ANO4: variants seen among roughly 807,000 people sequenced by gnomAD.
The protein encoded by ANO4 is anoctamin-4.
A neutral mutation model predicts 141.9 loss-of-function variants in ANO4; 69 were observed. The ratio of observed to expected loss-of-function variants is 0.49; its 90% CI spans 0.40 to 0.59. The LOEUF is 0.59. ANO4 is among the 20% of genes least tolerant of loss of function. ANO4 has a pLI of 0.00. For missense variants in ANO4, 894 were observed against 1,162.2 expected, an observed-to-expected ratio of 0.77 and a Z score of 3.36; for synonymous variants, 350 against 394.3, an observed-to-expected ratio of 0.89 and a Z score of 1.33.
chr12:100,939,184 A>T, intron 3 of ANO4, 131 bp from the exon 4 acceptor site: 1 of 914,036 alleles, frequency 1.1e-6, no homozygotes, highest in Non-Finnish European at 1.6e-6. Context: ...AGGAAATAAT[A>T]TGCTTGTCAC....
chr12:100,867,799 C>G (rs970057606), intron 1 of ANO4, among the ~76,000 whole-genome samples: 11 of 152,292 alleles, frequency 7.2e-5, no homozygotes, highest in African/African-American at 2.4e-4. Flanking sequence ...CCAAGCTCTG[C>G]AATTCCTCCA....
At chr12:100,942,698 A>G (rs1282856526) in intron 5 of ANO4, among the ~76,000 whole-genome samples, 163 bp downstream of exon 5, 1 of 152,248 alleles carries the variant, frequency 6.6e-6, no homozygotes, top group Admixed American at 6.5e-5. Flanking sequence ...AGACTTTGAC[A>G]GCACAGTTTG....
intron 9 of ANO4, among the ~76,000 whole-genome samples, chr12:101,023,767 C>G (rs2046627146): frequency 6.6e-6 from 1 of 152,136 alleles, no homozygotes; most frequent in East Asian, 1.9e-4. Flanking sequence ...TAAGCCACAA[C>G]CAAGCATTAT....
chr12:100,977,269 CT>C (rs1444434755), intron 7 of ANO4, among the ~76,000 whole-genome samples: 1 of 152,102 alleles, frequency 6.6e-6, no homozygotes, highest in Admixed American at 6.5e-5. Context: ...TAAGTCTCTC[CT>C]TTCTTCTATC....
intron 1 of ANO4, among the ~76,000 whole-genome samples, chr12:100,871,544 T>C (rs767448648): frequency 6.6e-6 from 1 of 152,254 alleles, no homozygotes; most frequent in South Asian, 2.1e-4. Flanking sequence ...TTTTTCCTTC[T>C]GTAGACTGAA....
intron 8 of ANO4, among the ~76,000 whole-genome samples, chr12:101,019,043 T>C (rs757820351): frequency 6.6e-6 from 1 of 151,912 alleles, no homozygotes; most frequent in Non-Finnish European, 1.5e-5. Context: ...ACTGAATGCT[T>C]TGGGGGACAG....
At chr12:100,811,097 A>G (rs985830598) in intron 1 of ANO4, among the ~76,000 whole-genome samples, 1 of 152,200 alleles carries the variant, frequency 6.6e-6, no homozygotes, top group Admixed American at 6.5e-5. Context: ...AGCCCTGATA[A>G]TACAAGAAAT....
intron 8 of ANO4, among the ~76,000 whole-genome samples, chr12:101,014,294 G>A (rs531295565): frequency 3.3e-5 from 5 of 152,238 alleles, no homozygotes; most frequent in Admixed American, 2.6e-4. Flanking sequence ...ACTAAAACCC[G>A]ATTGCGCAGC....
At chr12:100,742,556 A>G (rs1251455908) in intron 3 of ANO4, among the ~76,000 whole-genome samples, 3 of 152,184 alleles carry the variant, frequency 2.0e-5, no homozygotes, top group South Asian at 2.1e-4. Context: ...TCTCTTCTCT[A>G]TAAACTTTTG....
chr12:101,037,619 G>A (rs1011325450), intron 10 of ANO4, among the ~76,000 whole-genome samples: 1 of 152,160 alleles, frequency 6.6e-6, no homozygotes, highest in African/African-American at 2.4e-5. Context: ...GTTCACCTAA[G>A]ATGTATAAAT....
intron 17 of ANO4, among the ~76,000 whole-genome samples, chr12:101,093,070 C>T (rs1188001434): frequency 1.3e-5 from 2 of 152,088 alleles, no homozygotes; most frequent in Non-Finnish European, 2.9e-5. Context: ...TAACCTATGT[C>T]ACAAGGTTTC....
intron 3 of ANO4, among the ~76,000 whole-genome samples, chr12:100,752,464 C>G (rs1197536964): frequency 6.6e-6 from 1 of 152,040 alleles, no homozygotes; most frequent in African/African-American, 2.4e-5. Flanking sequence ...ATTCTGTTCC[C>G]CAAAAACAAC....
intron 8 of ANO4, among the ~76,000 whole-genome samples, chr12:101,008,649 C>A (rs1344000112): frequency 1.3e-5 from 2 of 152,074 alleles, no homozygotes; most frequent in Non-Finnish European, 2.9e-5. Context: ...ACTGGAGTAA[C>A]TCATTCTCTT....
At chr12:100,859,022 A>T (rs2038332744) in intron 1 of ANO4, 1 of 152,246 alleles carries the variant, frequency 6.6e-6, no homozygotes, top group Non-Finnish European at 1.5e-5. Context: ...AGGGCAAAAA[A>T]GTAACATAAT....
intron 5 of ANO4, among the ~76,000 whole-genome samples, chr12:100,951,976 T>C (rs1467385421): frequency 1.3e-5 from 2 of 152,184 alleles, no homozygotes; most frequent in Non-Finnish European, 2.9e-5. Context: ...CTCCAAGCAT[T>C]GTCACATGTC....
At chr12:100,922,181 T>A in intron 2 of ANO4, 45 bp from the exon 3 acceptor site, 1 of 1,395,152 alleles carries the variant, frequency 7.2e-7, no homozygotes, top group Non-Finnish European at 9.5e-7. Flanking sequence ...TGACAGACTC[T>A]CTGATAACCA....
chr12:101,003,110 C>A (rs539436637), intron 8 of ANO4, among the ~76,000 whole-genome samples: 2 of 152,348 alleles, frequency 1.3e-5, no homozygotes, highest in Non-Finnish European at 2.9e-5. Flanking sequence ...CCATAAATTA[C>A]AGGATTATCA....
intron 3 of ANO4, among the ~76,000 whole-genome samples, chr12:100,776,623 T>G (rs2033514212): frequency 6.6e-6 from 1 of 152,202 alleles, no homozygotes; most frequent in Non-Finnish European, 1.5e-5. Flanking sequence ...GCCATAAAAA[T>G]AATGGTAGCC....
In ANO4 at chr12:101,080,882, AT is replaced by A. The variant is rs750158605; in HGVS notation, c.1395+1609del. On this transcript the variant is annotated intron_variant, in intron 15 of 27. Coordinates refer to ENST00000392977, the MANE Select transcript of ANO4 (RefSeq NM_001286615.2). ...AGGTTCTAGATATATATATATATAT[AT>A]TATATATATATATATATACATACAC... Among the ~76,000 whole-genome samples, 718 of 91,272 alleles carry A rather than the reference AT, an allele frequency of 7.9e-3. 19 individuals are homozygous for A. Among genetic ancestry groups the A allele is most frequent in the African/African-American group, 0.031 (668 of 21,448 alleles). The allele number at this position is 91,272 out of a possible 152,430, so 59.9% of individuals were successfully genotyped here.
Sources: allele counts gnomAD v4.1 joint callset (sites outside exome capture counted in the v4.1 genomes callset), GRCh38; gene constraint gnomAD v4.1.1; transcripts MANE v1.5; gene names NCBI Gene and HGNC (gene_info 2026-07-23, HGNC 2026-07-21).